THEMIS2: variants seen among roughly 807,000 people sequenced by gnomAD.
THEMIS2 encodes the protein protein THEMIS2.
In THEMIS2, 29 loss-of-function variants were observed where a neutral mutation model predicts 46.8. That is an observed-to-expected ratio of 0.62 (90% CI 0.46 to 0.84). The LOEUF (loss-of-function observed/expected upper bound fraction) is 0.84. THEMIS2 is among the 40% of genes least tolerant of loss of function. The pLI, the probability that THEMIS2 is intolerant of heterozygous loss-of-function variation, is 0.00. For synonymous variants in THEMIS2, 335 were observed against 349.1 expected (o/e 0.96, Z 0.45); for missense variants, 698 against 834.7 (o/e 0.84, Z 2.02).
At position 27,882,803 on chromosome 1, in the gene THEMIS2, G is replaced by A; in HGVS notation, c.1479G>A (p.Glu493=). 1 of 1,613,922 alleles carries A rather than the reference G, an allele frequency of 6.2e-7. No homozygotes were observed. The highest frequency in any genetic ancestry group is 1.1e-5 in the South Asian group (1 of 91,064). Residue 493 remains glutamate, a synonymous_variant, in exon 4 of 6, where the codon GAG becomes GAA. Coordinates refer to ENST00000373921, the MANE Select transcript of THEMIS2 (RefSeq NM_001105556.3). The surrounding 1 kb of genome is among the most constrained non-coding windows in gnomAD (Gnocchi z 7.6). ...TCTTGGTGGTGAGCCTAGACTCTGA[G>A]CCTGGGATGTGCTTTGAGATCCCTC... ...EPFLVVSLDS[E]PGMCFEIPPR...
rs1557457074 is a variant in THEMIS2 at position 27,886,246 on chromosome 1, C to T, written c.*324C>T. 5.4e-6 allele frequency: 2 copies of T among 368,206 alleles called. No individual in the cohort carries two copies. The highest frequency in any genetic ancestry group is 3.1e-5 in the South Asian group (1 of 32,432). 22.8% of individuals were successfully genotyped at this position (368,206 alleles called of 1,614,324 possible). The stretch of plus-strand genomic sequence containing the variant: ...CCACCGGTGGATGCAGAGGGGAATC[C>T]GAGGCCATCAACCTTGGTGACAGCA... On this transcript the variant is annotated 3_prime_UTR_variant, in exon 6 of 6. Coordinates refer to ENST00000373921, the MANE Select transcript of THEMIS2 (RefSeq NM_001105556.3).
chr1:27,879,871 G>A lies in THEMIS2; in HGVS notation c.463G>A (p.Val155Ile), dbSNP rs750284195. Residue 155 changes from valine to isoleucine, a missense_variant, in exon 3 of 6, where the codon GTC becomes ATC. Transcript: ENST00000373921. ...TGTCCTGGGCATGGAGGGTCAGCAG[G>A]TCATCCTGCACCTGCCCCTATCCCA... ...RCVLGMEGQQVILHLPLSQKG... is the reference protein window; with the variant it reads ...RCVLGMEGQQIILHLPLSQKG... The A allele has an allele frequency of 9.9e-6, 16 of 1,612,980 alleles. No homozygotes were observed. Among genetic ancestry groups the A allele is most frequent in the Non-Finnish European group, 1.4e-5 (16 of 1,179,240 alleles).
At chr1:27,876,024 G>A (rs901197631) in intron 1 of THEMIS2, among the ~76,000 whole-genome samples, 12 of 152,026 alleles carry the variant, frequency 7.9e-5, no homozygotes, top group African/African-American at 2.7e-4. Context: ...CTTTAAACCA[G>A]GAAAGCAGAA....
chr1:27,881,024 C>G (rs940602977), intron 3 of THEMIS2, among the ~76,000 whole-genome samples: 2 of 151,964 alleles, frequency 1.3e-5, no homozygotes, highest in Non-Finnish European at 2.9e-5. Flanking sequence ...AGGTGATCTG[C>G]CCACCTCGGC....
chr1:27,885,368 T>C lies in THEMIS2; in HGVS notation c.1793T>C (p.Ile598Thr). ...KPKAKTLPEF[I>T]KDGSSTYSKI... ...AAGGCGAAGACCTTGCCAGAGTTCA[T>C]CAAGGATGGCTCCAGTACGTACAGC... The change falls in exon 5 of 6, where the codon ATC (isoleucine) becomes ACC (threonine). Residue 598 changes from isoleucine to threonine, a missense_variant. By Grantham distance (89) the Ile-to-Thr change is moderately conservative (BLOSUM62 -1). Transcript: ENST00000373921. 1 of 1,614,184 alleles carries C rather than the reference T, an allele frequency of 6.2e-7. No homozygotes were observed. The highest frequency in any genetic ancestry group is 8.5e-7 in the Non-Finnish European group (1 of 1,180,020).
At chr1:27,879,350 C>G (rs2089638277) in intron 2 of THEMIS2, among the ~76,000 whole-genome samples, 1 of 152,024 alleles carries the variant, frequency 6.6e-6, no homozygotes, top group African/African-American at 2.4e-5. Flanking sequence ...GTGTGGAAGT[C>G]TAGTGTGTCT....
intron 5 of THEMIS2, 110 bp from the exon 6 acceptor site, chr1:27,885,757 G>T: frequency 9.2e-7 from 1 of 1,092,620 alleles, no homozygotes; most frequent in Non-Finnish European, 1.4e-6. Flanking sequence ...AGCAAAGACC[G>T]TAGGGCATCC....
rs1046225544 is a variant in THEMIS2, at chr1:27,886,352, C to G, written c.*430C>G. 12 of 208,176 alleles carry G rather than the reference C, an allele frequency of 5.8e-5. 1 individual carries two copies. Among genetic ancestry groups the G allele is most frequent in the African/African-American group, 2.6e-4 (11 of 42,682 alleles). 12.9% of individuals were successfully genotyped at this position (208,176 alleles called of 1,614,324 possible). ...CCCACTCTCACCCCCAAGCTCTAAGCCCCCGGGAGGCCTGGACTGTCTTCC... is the reference window on the plus strand; with the variant it reads ...CCCACTCTCACCCCCAAGCTCTAAGGCCCCGGGAGGCCTGGACTGTCTTCC... On this transcript the variant is annotated 3_prime_UTR_variant, in exon 6 of 6. Transcript: ENST00000373921.
chr1:27,875,620 G>A (rs931572312), intron 1 of THEMIS2, among the ~76,000 whole-genome samples: 4 of 152,150 alleles, frequency 2.6e-5, no homozygotes, highest in African/African-American at 7.2e-5. Context: ...CTGTGCACTC[G>A]TGTGTGCGTG....
intron 3 of THEMIS2, among the ~76,000 whole-genome samples, chr1:27,881,070 G>A (rs1440315173): frequency 6.6e-6 from 1 of 151,804 alleles, no homozygotes; most frequent in Non-Finnish European, 1.5e-5. Flanking sequence ...GTGAGCCACC[G>A]AGCACAGCCT....
chr1:27,878,514 TC>T (rs2089626062), intron 2 of THEMIS2, among the ~76,000 whole-genome samples: 1 of 15,330 alleles, frequency 6.5e-5, no homozygotes, highest in African/African-American at 2.4e-4. Flanking sequence ...CTTTTTTCTT[TC>T]CCCCGTCAAG....
At position 27,882,014 on chromosome 1, in the gene THEMIS2, C is replaced by T. The variant is rs545447481; in HGVS notation, c.690C>T (p.Asp230=). 1.8e-4 allele frequency: 285 copies of T among 1,614,074 alleles called. 6 individuals carry two copies. The South Asian group carries it at 2.9e-3, about 16-fold the overall frequency. ...IVKIPSTLEV[D]VEDVTASSRH... is the part of the protein sequence containing the mutation. Reference sequence around the variant, plus strand: ...AGATCCCTTCTACCCTGGAGGTCGACGTGGAGGACGTCACCGCCTCCTCCC... The same window carrying T: ...AGATCCCTTCTACCCTGGAGGTCGATGTGGAGGACGTCACCGCCTCCTCCC... Residue 230 remains aspartate, a synonymous_variant, in exon 4 of 6, where the codon GAC becomes GAT. Coordinates refer to ENST00000373921, the MANE Select transcript of THEMIS2 (RefSeq NM_001105556.3). This position sits in a 1 kb window ranked among gnomAD's most constrained non-coding sequence, Gnocchi z 7.6.
Position 27,886,147 on chromosome 1 carries a change from ACTCC to A in THEMIS2, c.*229_*232del, listed in dbSNP as rs2089768177. ...GTTTGGACCTAACATCTCGCACGTGACTCCCTCAGCCTCAGAGCCTTGGGATGCA... is the reference window on the plus strand; with the variant it reads ...GTTTGGACCTAACATCTCGCACGTGACTCAGCCTCAGAGCCTTGGGATGCA... On this transcript the variant is annotated 3_prime_UTR_variant, in exon 6 of 6. Coordinates refer to ENST00000373921, the MANE Select transcript of THEMIS2 (RefSeq NM_001105556.3). The A allele has an allele frequency of 5.5e-6, 3 of 545,480 alleles. No individual in the cohort carries two copies. Among genetic ancestry groups the A allele is most frequent in the Non-Finnish European group, 9.9e-6 (3 of 304,484 alleles). 33.8% of individuals were successfully genotyped at this position (545,480 alleles called of 1,614,324 possible). A position where few individuals can be genotyped will look rare whatever the true frequency, so the allele number is the denominator to read the frequency against.
intron 2 of THEMIS2, among the ~76,000 whole-genome samples, chr1:27,878,020 G>A (rs2089611616): frequency 6.6e-6 from 1 of 151,508 alleles, no homozygotes; most frequent in South Asian, 2.1e-4. Context: ...GGTGGTGGGG[G>A]GCACCTGTAA....
chr1:27,873,901 G>A (rs1410923619), intron 1 of THEMIS2, among the ~76,000 whole-genome samples: 5 of 152,134 alleles, frequency 3.3e-5, no homozygotes, highest in East Asian at 1.9e-4. Flanking sequence ...GTGGGTGTGC[G>A]GATGGGGTGA....
At chr1:27,879,570 G>A (rs2089641654) in intron 2 of THEMIS2, 74 bp from the exon 3 acceptor site, 2 of 1,368,176 alleles carry the variant, frequency 1.5e-6, no homozygotes, top group African/African-American at 1.4e-5. Flanking sequence ...CCAGACTGGG[G>A]TCTGGACCTG....
rs763418997 is a variant in THEMIS2, at chr1:27,885,303, A to G, written c.1728A>G (p.Gln576=). The change falls in exon 5 of 6, where the codon CAA becomes CAG. Residue 576 remains glutamine (Q), a synonymous_variant. Coordinates refer to ENST00000373921, the MANE Select transcript of THEMIS2 (RefSeq NM_001105556.3). ...HSSEGGVKSS[Q]VLGLQQHARL... ...TGCTTTTTCTCCCAAAGTCTTCTCA[A>G]GTCTTAGGATTGCAGCAACACGCTC... 7.4e-6 allele frequency: 12 copies of G among 1,613,706 alleles called. No homozygotes were observed. Among genetic ancestry groups the G allele is most frequent in the Non-Finnish European group, 1.0e-5 (12 of 1,179,900 alleles).
rs2089751413 is a variant in THEMIS2 at position 27,885,344 on chromosome 1, A to C, written c.1769A>C (p.Lys590Thr). ...CAACACGCTCGGCTGCCCAAACCCA[A>C]GGCGAAGACCTTGCCAGAGTTCATC... The part of the protein sequence containing the change: ...LQQHARLPKP[K>T]AKTLPEFIKD... Residue 590 changes from lysine (K) to threonine (T), a missense_variant, in exon 5 of 6, where the codon AAG becomes ACG. Transcript: ENST00000373921. The C allele has an allele frequency of 6.2e-7, 1 of 1,614,176 alleles. No homozygotes were observed. Among genetic ancestry groups the C allele is most frequent in the Middle Eastern group, 1.6e-4 (1 of 6,062 alleles).
chr1:27,883,842 G>A (rs1285384038), intron 4 of THEMIS2: 1 of 152,230 alleles, frequency 6.6e-6, no homozygotes, highest in Admixed American at 6.6e-5. Context: ...TCCTACCTGA[G>A]TCTCTGGCTG....
Sources: allele counts gnomAD v4.1 joint callset (sites outside exome capture counted in the v4.1 genomes callset), GRCh38; gene constraint gnomAD v4.1.1; non-coding constraint Gnocchi (gnomAD v3.1); transcripts MANE v1.5; gene names NCBI Gene and HGNC (gene_info 2026-07-23, HGNC 2026-07-21).